Variants in KIF13A observed in about 807,000 individuals in gnomAD.
KIF13A encodes the protein kinesin-like protein KIF13A.
Under a neutral mutation model 212.2 loss-of-function variants are expected in KIF13A, and 79 were observed. The observed-to-expected ratio is 0.37, with a 90% CI of 0.31 to 0.45. KIF13A has a LOEUF of 0.45. Ranked by LOEUF, KIF13A falls within the 20% of genes least tolerant of loss-of-function variation. The probability of loss-of-function intolerance (pLI) is 1.00; values close to 1 mark genes in which losing one functional copy is unlikely to be tolerated. For synonymous variants in KIF13A, 789 were observed against 808.6 expected (o/e 0.98, Z 0.41); for missense variants, 1,901 against 2,209.0 (o/e 0.86, Z 2.79).
intron 12 of KIF13A, among the ~76,000 whole-genome samples, chr6:17,833,758 C>A (rs541745841): frequency 6.8e-6 from 1 of 147,930 alleles, no homozygotes; most frequent in Non-Finnish European, 1.5e-5. Flanking sequence ...CGGGAGGCTA[C>A]GGCATGCGAA....
chr6:17,962,108 C>T (rs1778865354), intron 2 of KIF13A, among the ~76,000 whole-genome samples: 1 of 152,082 alleles, frequency 6.6e-6, no homozygotes, highest in South Asian at 2.1e-4. Flanking sequence ...GCGTGGATCA[C>T]GTGAACAACC....
At chr6:17,821,983 G>A in intron 16 of KIF13A, 1 of 1,457,444 alleles carries the variant, frequency 6.9e-7, no homozygotes, top group South Asian at 1.3e-5. Context: ...CTGTGTGTAT[G>A]CCCCAAAGGG....
intron 18 of KIF13A, among the ~76,000 whole-genome samples, chr6:17,806,809 G>A (rs1398697207): frequency 1.3e-5 from 2 of 152,200 alleles, no homozygotes; most frequent in Non-Finnish European, 2.9e-5. Context: ...AACCCGGGAG[G>A]CGGAGGTTGT....
In KIF13A at chr6:17,982,245, A is replaced by G. The variant is rs1344399456; in HGVS notation, c.146+4809T>C. 2.5e-5 allele frequency: 4 copies of G among 156,990 alleles called. No individual in the cohort carries two copies. Among genetic ancestry groups the G allele is most frequent in the Non-Finnish European group, 1.4e-5 (1 of 72,598 alleles). 9.7% of individuals were successfully genotyped at this position (156,990 alleles called of 1,614,324 possible). A position where few individuals can be genotyped will look rare whatever the true frequency, so the allele number is the denominator to read the frequency against. On this transcript the variant is annotated intron_variant, in intron 2 of 38. Transcript: ENST00000259711. This position sits in a 1 kb window ranked among gnomAD's most constrained non-coding sequence, Gnocchi z 5.1. ...TAAGTAGCTGGGATTATAGGTGTGCACCACCACACTCGGCTAACTTTTGTA... is the reference window on the plus strand; with the variant it reads ...TAAGTAGCTGGGATTATAGGTGTGCGCCACCACACTCGGCTAACTTTTGTA...
intron 2 of KIF13A, among the ~76,000 whole-genome samples, chr6:17,974,452 C>G (rs775963885): frequency 6.6e-6 from 1 of 152,166 alleles, no homozygotes; most frequent in Non-Finnish European, 1.5e-5. Context: ...CAACCATGTG[C>G]GTTAAGTCTT....
In KIF13A at chr6:17,787,750, C is replaced by T. The variant is rs1025305405; in HGVS notation, c.3361+26G>A. On this transcript the variant is annotated intron_variant, in intron 27 of 38. Transcript: ENST00000259711. The surrounding 1 kb of genome is among the most constrained non-coding windows in gnomAD (Gnocchi z 4.6). The stretch of plus-strand genomic sequence containing the variant: ...TGTGTAAAAGTGAAAAAGCTACTCC[C>T]CATAAAAGAGTTTGATCTCACATAC... 9.0e-6 allele frequency: 12 copies of T among 1,338,260 alleles called. No individual in the cohort carries two copies. The African/African-American group carries it at 1.0e-4, about 11-fold the overall frequency. The allele number at this position is 1,338,260 out of a possible 1,614,324, so 82.9% of individuals were successfully genotyped here.
At chr6:17,824,750 G>T (rs1461692943) in intron 16 of KIF13A, among the ~76,000 whole-genome samples, 2 of 117,930 alleles carry the variant, frequency 1.7e-5, no homozygotes, top group East Asian at 2.6e-4. Flanking sequence ...GACAGAGAGA[G>T]ACTCCGTCTC....
chr6:17,784,008 G>C (rs1406935858), intron 28 of KIF13A, among the ~76,000 whole-genome samples: 1 of 152,172 alleles, frequency 6.6e-6, no homozygotes, highest in Non-Finnish European at 1.5e-5. Flanking sequence ...GGGTGGTAAC[G>C]GGACAGGATC....
At chr6:17,893,875 T>G (rs1772310759) in intron 3 of KIF13A, among the ~76,000 whole-genome samples, 1 of 145,510 alleles carries the variant, frequency 6.9e-6, no homozygotes, top group Non-Finnish European at 1.5e-5. Flanking sequence ...AGTCTTGCTC[T>G]GTCGCCCAGG....
chr6:17,798,419 A>G (rs561608337), intron 22 of KIF13A, among the ~76,000 whole-genome samples: 71 of 152,372 alleles, frequency 4.7e-4, no homozygotes, highest in African/African-American at 1.7e-3. Context: ...AAAAATGATT[A>G]ATAAAGATTT....
At chr6:17,842,237 G>C (rs1051718775) in intron 9 of KIF13A, among the ~76,000 whole-genome samples, 1 of 151,774 alleles carries the variant, frequency 6.6e-6, no homozygotes, top group African/African-American at 2.4e-5. Context: ...TTTTTGTAGA[G>C]ATGGGGTCTG....
chr6:17,979,335 T>G (rs1338216880), intron 2 of KIF13A, among the ~76,000 whole-genome samples: 1 of 152,214 alleles, frequency 6.6e-6, no homozygotes, highest in Non-Finnish European at 1.5e-5. Context: ...ACTATCCTTA[T>G]GAATGTGGGT....
rs1760038729 is a variant in KIF13A, at chr6:17,776,964, C to T, written c.4170+313G>A. ...CAAAAACTGACCCTGGAGCAGCCAG[C>T]GTCCAGGGACTCGGGTGCAAGTATT... is the stretch of plus-strand genomic sequence containing the variant. On this transcript the variant is annotated intron_variant, in intron 34 of 38. Coordinates refer to ENST00000259711, the MANE Select transcript of KIF13A (RefSeq NM_022113.6). The surrounding 1 kb of genome is among the most constrained non-coding windows in gnomAD (Gnocchi z 4.6). Among the ~76,000 whole-genome samples the T allele has an allele frequency of 6.6e-6, 1 of 152,186 alleles. No individual in the cohort carries two copies. The highest frequency in any genetic ancestry group is 2.4e-5 in the African/African-American group (1 of 41,448).
chr6:17,916,754 A>C (rs1054320199), intron 2 of KIF13A, among the ~76,000 whole-genome samples: 3 of 152,222 alleles, frequency 2.0e-5, no homozygotes, highest in Non-Finnish European at 4.4e-5. Flanking sequence ...ATGAATGGAC[A>C]GGTTAAGAAA....
chr6:17,943,683 A>G (rs780356112), intron 2 of KIF13A, among the ~76,000 whole-genome samples: 6 of 152,172 alleles, frequency 3.9e-5, no homozygotes, highest in Non-Finnish European at 8.8e-5. Context: ...TTCCACAGAA[A>G]GCACATTTTT....
rs903730295 is a variant in KIF13A, at chr6:17,915,102, G to A, written c.147-16922C>T. Reference sequence around the variant, plus strand: ...AGCATTTATCTATGGTAGCATAAGAGATAATATATTTGACTTTTCTACATT... The same window carrying A: ...AGCATTTATCTATGGTAGCATAAGAAATAATATATTTGACTTTTCTACATT... On this transcript the variant is annotated intron_variant, in intron 2 of 38. Transcript: ENST00000259711. This position sits in a 1 kb window ranked among gnomAD's most constrained non-coding sequence, Gnocchi z 4.4. Among the ~76,000 whole-genome samples, 11 of 152,186 alleles carry A rather than the reference G, an allele frequency of 7.2e-5. No homozygotes were observed. Among genetic ancestry groups the A allele is most frequent in the African/African-American group, 2.7e-4 (11 of 41,436 alleles).
chr6:17,841,763 G>T (rs1184381786), intron 9 of KIF13A, among the ~76,000 whole-genome samples: 2 of 152,080 alleles, frequency 1.3e-5, no homozygotes, highest in Non-Finnish European at 2.9e-5. Context: ...AGGGTGAGTG[G>T]GACTCAATGG....
chr6:17,927,373 A>G (rs1775576736), intron 2 of KIF13A, among the ~76,000 whole-genome samples: 1 of 152,218 alleles, frequency 6.6e-6, no homozygotes, highest in Non-Finnish European at 1.5e-5. Flanking sequence ...TACAACATGG[A>G]TGAACATTAT....
In KIF13A at chr6:17,843,236, C is replaced by A. The variant is rs767293670; in HGVS notation, c.831-5653G>T. Among the ~76,000 whole-genome samples the A allele has an allele frequency of 1.3e-5, 2 of 152,180 alleles. No homozygotes were observed. Among genetic ancestry groups the A allele is most frequent in the African/African-American group, 2.4e-5 (1 of 41,464 alleles). On this transcript the variant is annotated intron_variant, in intron 9 of 38. Transcript: ENST00000259711. The surrounding 1 kb of genome is among the most constrained non-coding windows in gnomAD (Gnocchi z 5.3). Reference sequence around the variant, plus strand: ...AATCTAGATTCAGTGAAGACCAAAACATGGACCTCTGTTTAAAAAGGACTA... The same window carrying A: ...AATCTAGATTCAGTGAAGACCAAAAAATGGACCTCTGTTTAAAAAGGACTA...
Sources: gnomAD v4.1 joint callset for allele counts (sites outside exome capture counted in the v4.1 genomes callset) on GRCh38, gnomAD v4.1.1 for gene constraint, Gnocchi (gnomAD v3.1) non-coding constraint, MANE v1.5 for transcripts, NCBI Gene and HGNC (gene_info 2026-07-23, HGNC 2026-07-21) for gene names.